Variants in KL observed in about 807,000 individuals in gnomAD.
KL encodes the protein alpha-klotho.
A neutral mutation model predicts 84.2 loss-of-function variants in KL; 62 were observed. The observed-to-expected ratio is 0.74, with a 90% confidence interval of 0.60 to 0.91. The LOEUF (loss-of-function observed/expected upper bound fraction) is 0.91, where lower values mean the gene tolerates loss of function less well. Among genes scored for constraint, KL ranks in the 40% least tolerant of loss-of-function variants. The probability of loss-of-function intolerance (pLI) is 0.00; values close to 1 mark genes in which losing one functional copy is unlikely to be tolerated. For missense variants in KL, 1,261 were observed against 1,305.7 expected, an observed-to-expected ratio of 0.97 and a Z score of 0.53; for synonymous variants, 528 against 528.0, an observed-to-expected ratio of 1.00 and a Z score of 0.00.
At chr13:33,055,463 G>A in intron 3 of KL, 148 bp downstream of exon 3, 2 of 895,002 alleles carry the variant, frequency 2.2e-6, no homozygotes, top group Non-Finnish European at 3.6e-6. Flanking sequence ...GCACAATTTG[G>A]AATGCTGCAC....
Position 33,055,091 on chromosome 13 carries a change from T to A in KL, c.1375T>A (p.Ser459Thr). The change falls in exon 3 of 5, where the codon TCC (serine) becomes ACC (threonine). Residue 459 changes from serine (S) to threonine (T), a missense_variant. Physicochemically the swap from Ser to Thr is moderately conservative, Grantham distance 58 (BLOSUM62 1). Coordinates refer to ENST00000380099, the MANE Select transcript of KL (RefSeq NM_004795.4). ...GGATGTCATCGGGTATACCGCATGG[T>A]CCCTCATGGATGGTTTCGAGTGGCA... ...GVDVIGYTAW[S>T]LMDGFEWHRG... is the part of the protein sequence containing the mutation. 1.2e-6 allele frequency: 2 copies of A among 1,614,202 alleles called. No individual in the cohort carries two copies. The highest frequency in any genetic ancestry group is 8.5e-7 in the Non-Finnish European group (1 of 1,180,034).
At chr13:33,033,508 C>A (rs1455072497) in intron 1 of KL, among the ~76,000 whole-genome samples, 2 of 151,862 alleles carry the variant, frequency 1.3e-5, no homozygotes, top group African/African-American at 4.8e-5. Context: ...GAAGGTCTTG[C>A]ATTTGTGCCT....
intron 1 of KL, among the ~76,000 whole-genome samples, chr13:33,020,964 T>C (rs1870555359): frequency 6.6e-6 from 1 of 152,160 alleles, no homozygotes; most frequent in African/African-American, 2.4e-5. Flanking sequence ...CATCTCTTCC[T>C]TCTATGGCAT....
At position 33,060,807 on chromosome 13, in the gene KL, T is replaced by G; in HGVS notation, c.1728T>G (p.Ala576=). 1.2e-6 allele frequency: 2 copies of G among 1,614,232 alleles called. No individual in the cohort carries two copies. Among genetic ancestry groups the G allele is most frequent in the Non-Finnish European group, 8.5e-7 (1 of 1,180,042 alleles). ...KKRKSYCVDF[A]AIQPQIALLQ... ...GGAAATCCTACTGTGTTGACTTTGC[T>G]GCCATCCAGCCCCAGATCGCTTTAC... Residue 576 remains alanine, a synonymous_variant, in exon 4 of 5, where the codon GCT becomes GCG. Transcript: ENST00000380099.
chr13:33,016,947 G>C lies in KL; in HGVS notation c.507G>C (p.Gly169=), dbSNP rs758576718. 2.5e-6 allele frequency: 4 copies of C among 1,606,636 alleles called. No homozygotes were observed. The highest frequency in any genetic ancestry group is 3.4e-6 in the Non-Finnish European group (4 of 1,178,026). The change falls in exon 1 of 5, where the codon GGG becomes GGC. Residue 169 remains glycine (G), a synonymous_variant. Transcript: ENST00000380099. ...GCGCGGGCGTCCCCAACCGCGAGGGGCTGCGCTACTACCGGCGCCTGCTGG... is the reference window on the plus strand; with the variant it reads ...GCGCGGGCGTCCCCAACCGCGAGGGCCTGCGCTACTACCGGCGCCTGCTGG... ...NGSAGVPNRE[G]LRYYRRLLER... is the part of the protein sequence containing the mutation.
At chr13:33,057,487 T>G (rs964011924) in intron 3 of KL, among the ~76,000 whole-genome samples, 1 of 152,136 alleles carries the variant, frequency 6.6e-6, no homozygotes, top group Admixed American at 6.5e-5. Context: ...CCTACTACAC[T>G]CTAGAAGCTA....
At chr13:33,046,391 G>C (rs1330167971) in intron 1 of KL, among the ~76,000 whole-genome samples, 1 of 152,086 alleles carries the variant, frequency 6.6e-6, no homozygotes, top group South Asian at 2.1e-4. Flanking sequence ...ATTTGGCCAG[G>C]TCATCTCTGT....
chr13:33,064,206 C>T lies in KL; in HGVS notation c.*20C>T, dbSNP rs1319123252. ...AAATAGTTCTGAACATTTTTCTATT[C>T]ATTCATTTTGAAATAATTATGCAGA... On this transcript the variant is annotated 3_prime_UTR_variant, in exon 5 of 5. Transcript: ENST00000380099. 6.5e-7 allele frequency: 1 copy of T among 1,537,388 alleles called. No individual in the cohort carries two copies. Among genetic ancestry groups the T allele is most frequent in the Non-Finnish European group, 9.0e-7 (1 of 1,113,700 alleles).
chr13:33,042,271 T>C (rs1384121594), intron 1 of KL, among the ~76,000 whole-genome samples: 1 of 152,166 alleles, frequency 6.6e-6, no homozygotes, highest in Non-Finnish European at 1.5e-5. Flanking sequence ...TATAAGCAAT[T>C]TGATGAATTT....
intron 1 of KL, among the ~76,000 whole-genome samples, chr13:33,025,787 A>G (rs1014261298): frequency 1.3e-5 from 2 of 151,698 alleles, no homozygotes; most frequent in Admixed American, 1.3e-4. Flanking sequence ...GACTCAAATT[A>G]GTTTGCAGTC....
chr13:33,039,782 CG>C (rs1871271505), intron 1 of KL, among the ~76,000 whole-genome samples: 1 of 152,102 alleles, frequency 6.6e-6, no homozygotes, highest in Non-Finnish European at 1.5e-5. Flanking sequence ...TGGCATCCAA[CG>C]TAGGTACAGC....
At chr13:33,056,053 G>A (rs1471966956) in intron 3 of KL, among the ~76,000 whole-genome samples, 1 of 152,174 alleles carries the variant, frequency 6.6e-6, no homozygotes, top group African/African-American at 2.4e-5. Flanking sequence ...CAGGTAGAGG[G>A]TATACTGAGA....
chr13:33,049,822 AT>A (rs1157786683), intron 1 of KL, among the ~76,000 whole-genome samples: 1 of 152,108 alleles, frequency 6.6e-6, no homozygotes, highest in East Asian at 1.9e-4. Flanking sequence ...TTTGAATTTT[AT>A]TTTTTTAATC....
chr13:33,028,594 G>A (rs752760596), intron 1 of KL, among the ~76,000 whole-genome samples: 1 of 152,144 alleles, frequency 6.6e-6, no homozygotes, highest in Admixed American at 6.6e-5. Flanking sequence ...GATTCCAGAA[G>A]TGTGTCCCCC....
intron 1 of KL, among the ~76,000 whole-genome samples, chr13:33,027,036 T>C (rs1870803942): frequency 6.6e-6 from 1 of 152,190 alleles, no homozygotes; most frequent in Non-Finnish European, 1.5e-5. Flanking sequence ...CCTGGGGTCC[T>C]TGCTGGATCG....
At chr13:33,037,725 C>A (rs964230465) in intron 1 of KL, among the ~76,000 whole-genome samples, 5 of 152,054 alleles carry the variant, frequency 3.3e-5, no homozygotes, top group African/African-American at 4.8e-5. Flanking sequence ...TAGTCTCTTG[C>A]TTCTCTGCAA....
intron 1 of KL, among the ~76,000 whole-genome samples, chr13:33,027,348 A>G (rs1870816278): frequency 6.6e-6 from 1 of 152,194 alleles, no homozygotes; most frequent in African/African-American, 2.4e-5. Context: ...TTACTAGGGA[A>G]GAATGGGCCA....
chr13:33,055,631 G>C (rs1017822988), intron 3 of KL, among the ~76,000 whole-genome samples: 3 of 152,188 alleles, frequency 2.0e-5, no homozygotes, highest in Non-Finnish European at 4.4e-5. Context: ...TAAGGCAGTT[G>C]AGTTTTTTCA....
intron 1 of KL, among the ~76,000 whole-genome samples, chr13:33,019,868 G>T (rs1870511027): frequency 6.6e-6 from 1 of 152,066 alleles, no homozygotes; most frequent in African/African-American, 2.4e-5. Flanking sequence ...TGTAATCCAG[G>T]AGGATGCACC....
Sources: gnomAD v4.1 joint callset for allele counts (sites outside exome capture counted in the v4.1 genomes callset) on GRCh38, gnomAD v4.1.1 for gene constraint, MANE v1.5 for transcripts, NCBI Gene and HGNC (gene_info 2026-07-23, HGNC 2026-07-21) for gene names.